RHOT1: variants seen among roughly 807,000 people sequenced by gnomAD.
RHOT1 encodes mitochondrial Rho GTPase 1.
RHOT1 carries 27 observed loss-of-function variants against 95.3 expected under a neutral mutation model. The observed-to-expected ratio is 0.28, with a 90% CI of 0.21 to 0.39. RHOT1 has a LOEUF of 0.39. Ranked by LOEUF, RHOT1 falls within the 10% of genes least tolerant of loss-of-function variation. RHOT1 has a pLI of 1.00. For synonymous variants in RHOT1, 227 were observed against 263.5 expected (o/e 0.86, Z 1.34); for missense variants, 578 against 786.7 (o/e 0.73, Z 3.17).
At chr17:32,148,156 T>C (rs2031665175) in intron 1 of RHOT1, among the ~76,000 whole-genome samples, 1 of 151,976 alleles carries the variant, frequency 6.6e-6, no homozygotes, top group African/African-American at 2.4e-5. Flanking sequence ...TCCCAGTTAC[T>C]CGGGAGGCCG....
Position 32,202,790 on chromosome 17 carries a change from G to A in RHOT1, c.1222G>A (p.Asp408Asn). The A allele has an allele frequency of 6.3e-7, 1 of 1,593,892 alleles. No individual in the cohort carries two copies. The highest frequency in any genetic ancestry group is 8.6e-7 in the Non-Finnish European group (1 of 1,165,638). The change falls in exon 15 of 20, where the codon GAC becomes AAC. Residue 408 changes from aspartate to asparagine, a missense_variant. Asp to Asn is a conservative substitution (Grantham distance 23). This residue lies in a region of RHOT1 where 296 missense variants were observed against 338.5 expected (regional missense o/e 0.87). Transcript: ENST00000545287. ...AVTVTRDKKIDLQKKQTQRNV... is the reference protein window; with the variant it reads ...AVTVTRDKKINLQKKQTQRNV... ...TTTAGTGACAAGAGATAAAAAGATA[G>A]ACCTGCAGAAAAAACAAACTCAAAG...
intron 8 of RHOT1, among the ~76,000 whole-genome samples, chr17:32,187,710 G>A (rs1434020182): frequency 1.3e-5 from 2 of 152,026 alleles, no homozygotes; most frequent in African/African-American, 2.4e-5. Flanking sequence ...CTGGGACTAC[G>A]GGCATGTGCC....
chr17:32,217,639 C>T (rs905857312), intron 19 of RHOT1, among the ~76,000 whole-genome samples: 1 of 151,054 alleles, frequency 6.6e-6, no homozygotes, highest in Admixed American at 6.6e-5. Context: ...CCTGTAGTCC[C>T]AGCTACTTGG....
At chr17:32,160,686 C>T (rs9914629) in intron 1 of RHOT1, among the ~76,000 whole-genome samples, 4,887 of 152,314 alleles carry the variant, frequency 0.032, 265 homozygotes, top group African/African-American at 0.11. Flanking sequence ...CCAGTTGCAG[C>T]CTCGCAGGGA....
intron 9 of RHOT1, among the ~76,000 whole-genome samples, chr17:32,192,821 G>A (rs2036598074): frequency 1.3e-5 from 2 of 151,926 alleles, no homozygotes; most frequent in Admixed American, 6.6e-5. Context: ...ACAGGCATGC[G>A]CCACAACACC....
At position 32,194,089 on chromosome 17, in the gene RHOT1, C is replaced by T. The variant is rs1228450655; in HGVS notation, c.851C>T (p.Pro284Leu). Residue 284 changes from proline to leucine, a missense_variant, in exon 11 of 20, where the codon CCT (proline) becomes CTT (leucine). By Grantham distance (98) the Pro-to-Leu change is moderately conservative (BLOSUM62 -3). Around this residue, in one of 4 missense-constraint regions of RHOT1, gnomAD observed 227 missense variants for 316.0 expected, o/e 0.72. Transcript: ENST00000545287. ...TATGATGATGACCTGGATTTGACAC[C>T]TGAATATTTGTTCCCCCTGTATGTA... is the stretch of plus-strand genomic sequence containing the variant. ...FGYDDDLDLT[P>L]EYLFPLLKIP... 5 of 1,613,840 alleles carry T rather than the reference C, an allele frequency of 3.1e-6. No homozygotes were observed. The East Asian group carries it at 8.9e-5, about 29-fold the overall frequency.
intron 18 of RHOT1, chr17:32,208,912 G>C (rs1256567392): frequency 6.5e-6 from 1 of 154,790 alleles, no homozygotes; most frequent in Non-Finnish European, 1.4e-5. Context: ...GGTCATCTCT[G>C]TAGTTTACTA....
At position 32,185,637 on chromosome 17, in the gene RHOT1, G is replaced by A. The variant is rs1323054249; in HGVS notation, c.540+2365G>A. Among the ~76,000 whole-genome samples the A allele has an allele frequency of 2.6e-5, 4 of 151,706 alleles. No homozygotes were observed. The East Asian group carries it at 7.8e-4, about 29-fold the overall frequency. On this transcript the variant is annotated intron_variant, in intron 8 of 19. Transcript: ENST00000545287. ...TGCCCAGGTTGGTCTTAAACTCCTA[G>A]GCTCAAGCAATGCACCCGCCTTGGC...
At chr17:32,147,290 C>T (rs1326658987) in intron 1 of RHOT1, among the ~76,000 whole-genome samples, 2 of 151,992 alleles carry the variant, frequency 1.3e-5, no homozygotes, top group African/African-American at 4.8e-5. Flanking sequence ...AATGATCCAC[C>T]CACCTTGGCC....
intron 1 of RHOT1, among the ~76,000 whole-genome samples, chr17:32,167,861 C>T (rs539185199): frequency 6.6e-6 from 1 of 151,972 alleles, no homozygotes; most frequent in Middle Eastern, 3.4e-3. Context: ...ATGGTGAGAC[C>T]CTGTCCGTAC....
chr17:32,187,102 C>T (rs1163222663), intron 8 of RHOT1, among the ~76,000 whole-genome samples: 1 of 151,764 alleles, frequency 6.6e-6, no homozygotes, highest in Admixed American at 6.6e-5. Context: ...GCGTGGCCAA[C>T]GTGGCAAAAC....
In RHOT1 at chr17:32,206,950, A is replaced by T; in HGVS notation, c.1457A>T (p.Glu486Val). 6.2e-7 allele frequency: 1 copy of T among 1,607,832 alleles called. No individual in the cohort carries two copies. The highest frequency in any genetic ancestry group is 8.5e-7 in the Non-Finnish European group (1 of 1,175,128). Residue 486 changes from glutamate to valine, a missense_variant, in exon 17 of 20, where the codon GAA becomes GTA. Physicochemically the swap from Glu to Val is moderately radical, Grantham distance 121 (BLOSUM62 -2). Around this residue, in one of 4 missense-constraint regions of RHOT1, gnomAD observed 296 missense variants for 338.5 expected, o/e 0.87. Transcript: ENST00000545287. The stretch of plus-strand genomic sequence containing the variant: ...GAATCGGAATTTCTAACTGAAGCTG[A>T]AATCATTTGTGATGTTGTATGCCTG... ...ISESEFLTEA[E>V]IICDVVCLVY...
At chr17:32,188,671 C>G (rs1184252969) in intron 8 of RHOT1, among the ~76,000 whole-genome samples, 1 of 152,156 alleles carries the variant, frequency 6.6e-6, no homozygotes, top group Non-Finnish European at 1.5e-5. Context: ...ATTAATAAAT[C>G]TGTATTGCAA....
At chr17:32,178,686 G>T (rs958930530) in intron 6 of RHOT1, among the ~76,000 whole-genome samples, 2 of 149,160 alleles carry the variant, frequency 1.3e-5, no homozygotes, top group South Asian at 2.1e-4. Context: ...CTGCCCGGCT[G>T]CCCCGAATGG....
At chr17:32,155,532 G>A (rs56235843) in intron 1 of RHOT1, among the ~76,000 whole-genome samples, 26,543 of 146,692 alleles carry the variant, frequency 0.18, 2,515 homozygotes, top group South Asian at 0.26. Flanking sequence ...TTGCCAGGGA[G>A]GATCCTAACA....
At chr17:32,173,982 G>A in intron 3 of RHOT1, 70 bp downstream of exon 3, 2 of 1,079,190 alleles carry the variant, frequency 1.9e-6, no homozygotes, top group Non-Finnish European at 2.8e-6. Context: ...TACTTACTGA[G>A]CTTTTACAAA....
chr17:32,191,099 A>G (rs1315382733), intron 8 of RHOT1, among the ~76,000 whole-genome samples: 2 of 152,020 alleles, frequency 1.3e-5, no homozygotes, highest in Non-Finnish European at 2.9e-5. Flanking sequence ...CCAGCCTCAA[A>G]TGCTTTCTAA....
intron 16 of RHOT1, among the ~76,000 whole-genome samples, chr17:32,204,592 A>T (rs1288777234): frequency 6.6e-6 from 1 of 151,706 alleles, no homozygotes; most frequent in Non-Finnish European, 1.5e-5. Context: ...TGTGATGATT[A>T]CATAGGTTTA....
In RHOT1 at chr17:32,150,893, A is replaced by C. The variant is rs2032197180; in HGVS notation, c.37+8164A>C. 3 of 1,542,380 alleles carry C rather than the reference A, an allele frequency of 1.9e-6. No homozygotes were observed. The East Asian group carries it at 6.8e-5, about 35-fold the overall frequency. On this transcript the variant is annotated intron_variant, in intron 1 of 19. Coordinates refer to ENST00000545287, the MANE Select transcript of RHOT1 (RefSeq NM_001033566.3). The stretch of plus-strand genomic sequence containing the variant: ...GGAGAAAAAGCATAAGCACTGGGGG[A>C]TGTTCTGGGGGAGGTGGGCACATTC...
Sources: allele counts gnomAD v4.1 joint callset (sites outside exome capture counted in the v4.1 genomes callset), GRCh38; gene constraint gnomAD v4.1.1; regional missense constraint gnomAD v4.1.1; transcripts MANE v1.5; gene names NCBI Gene and HGNC (gene_info 2026-07-23, HGNC 2026-07-21).